Variants in UNK observed in about 807,000 individuals in gnomAD.
The protein encoded by UNK is RING finger protein unkempt homolog.
In UNK, 32 loss-of-function variants were observed where a neutral mutation model predicts 97.6. The ratio of observed to expected loss-of-function variants is 0.33; its 90% CI spans 0.25 to 0.44. The LOEUF is 0.44. Ranked by LOEUF, UNK falls within the 20% of genes least tolerant of loss-of-function variation. The probability of loss-of-function intolerance (pLI) is 1.00; values close to 1 mark genes in which losing one functional copy is unlikely to be tolerated. For synonymous variants in UNK, 441 were observed against 461.2 expected (o/e 0.96, Z 0.56); for missense variants, 771 against 1,098.4 (o/e 0.70, Z 4.21).
intron 14 of UNK, among the ~76,000 whole-genome samples, chr17:75,822,884 G>A (rs920038685): frequency 2.0e-5 from 3 of 152,230 alleles, no homozygotes; most frequent in African/African-American, 2.4e-5. Context: ...TGAGCTGCTT[G>A]TAGTCTGTCC....
chr17:75,822,716 C>G, intron 14 of UNK, 58 bp downstream of exon 14: 1 of 1,491,286 alleles, frequency 6.7e-7, no homozygotes. Flanking sequence ...CAGCCCAAGA[C>G]CTTCCTTCAC....
At chr17:75,790,385 C>T (rs1404849949) in intron 1 of UNK, among the ~76,000 whole-genome samples, 3 of 152,086 alleles carry the variant, frequency 2.0e-5, no homozygotes, top group South Asian at 2.1e-4. Flanking sequence ...AGTCCCAACT[C>T]GTTGGGAAGC....
At chr17:75,785,133 C>T (rs2061696097) in intron 1 of UNK, 149 bp downstream of exon 1, 1 of 558,472 alleles carries the variant, frequency 1.8e-6, no homozygotes, top group Non-Finnish European at 3.1e-6. Context: ...CCTGCTGGGG[C>T]CGGTCCCAAC....
rs748175730 is a variant in UNK, at chr17:75,822,461, C to T, written c.1838-16C>T. The T allele has an allele frequency of 1.2e-5, 19 of 1,597,852 alleles. No homozygotes were observed. The highest frequency in any genetic ancestry group is 1.4e-5 in the Non-Finnish European group (16 of 1,170,952). ...AAAGCCCTCCGGAGCTGATGTTCTT[C>T]CCCTCCTTGGGGCAGGTCTGAACGG... On this transcript the variant is annotated splice_polypyrimidine_tract_variant and intron_variant, in intron 13 of 15. Coordinates refer to ENST00000589666, the MANE Select transcript of UNK (RefSeq NM_001080419.3).
chr17:75,800,247 T>C (rs1473666822), intron 1 of UNK, among the ~76,000 whole-genome samples: 1 of 152,066 alleles, frequency 6.6e-6, no homozygotes, highest in Middle Eastern at 3.2e-3. Flanking sequence ...TCTTGTATTT[T>C]TTTGGTAGAG....
chr17:75,788,399 C>G (rs570532233), intron 1 of UNK, among the ~76,000 whole-genome samples: 1 of 152,136 alleles, frequency 6.6e-6, no homozygotes, highest in Non-Finnish European at 1.5e-5. Context: ...AGGCTGATCT[C>G]GAACTCCTAA....
At chr17:75,797,461 C>G (rs928899743) in intron 1 of UNK, among the ~76,000 whole-genome samples, 1 of 152,272 alleles carries the variant, frequency 6.6e-6, no homozygotes, top group Non-Finnish European at 1.5e-5. Context: ...TCTCGAACTC[C>G]TGACCTCAGG....
intron 1 of UNK, among the ~76,000 whole-genome samples, chr17:75,793,180 A>G (rs1015692626): frequency 1.3e-5 from 2 of 152,224 alleles, no homozygotes; most frequent in Non-Finnish European, 1.5e-5. Flanking sequence ...CAATGCCTTC[A>G]TAAGATGAAT....
Position 75,812,282 on chromosome 17 carries a change from A to G in UNK, c.485A>G (p.Asp162Gly). ...CATGACCTCCGCTCCCCTGTCTACG[A>G]CATCAGGTGGGCTGGGTGCTGGGCT... Reference protein sequence around the residue: ...GPHDLRSPVYDIRELQAMEAL... With the variant: ...GPHDLRSPVYGIRELQAMEAL... The change falls in exon 3 of 16, where the codon GAC becomes GGC. Residue 162 changes from aspartate to glycine, a missense_variant. Physicochemically the swap from Asp to Gly is moderately conservative, Grantham distance 94. Coordinates refer to ENST00000589666, the MANE Select transcript of UNK (RefSeq NM_001080419.3). The G allele has an allele frequency of 6.2e-7, 1 of 1,610,964 alleles. No individual in the cohort carries two copies. The highest frequency in any genetic ancestry group is 8.5e-7 in the Non-Finnish European group (1 of 1,177,902).
At chr17:75,793,544 T>A in intron 1 of UNK, 1 of 985,352 alleles carries the variant, frequency 1.0e-6, no homozygotes, top group Non-Finnish European at 1.2e-6. Flanking sequence ...GAGGTGACCT[T>A]TTTTCCTGTT....
At position 75,819,565 on chromosome 17, in the gene UNK, C is replaced by A; in HGVS notation, c.1547-119C>A. 3.3e-6 allele frequency: 3 copies of A among 905,090 alleles called. No individual in the cohort carries two copies. Among genetic ancestry groups the A allele is most frequent in the Non-Finnish European group, 5.3e-6 (3 of 569,998 alleles). 56.1% of individuals were successfully genotyped at this position (905,090 alleles called of 1,614,324 possible). ...AGCAGCTGAAGGAAGGGCACAGGGG[C>A]TTGGGAGAATACGGACCCAGCGTAG... On this transcript the variant is annotated intron_variant, in intron 11 of 15. Coordinates refer to ENST00000589666, the MANE Select transcript of UNK (RefSeq NM_001080419.3). This position sits in a 1 kb window ranked among gnomAD's most constrained non-coding sequence, Gnocchi z 5.4.
rs1290717780 is a variant in UNK at position 75,819,680 on chromosome 17, C to G, written c.1547-4C>G. On this transcript the variant is annotated splice_polypyrimidine_tract_variant and splice_region_variant and intron_variant, in intron 11 of 15. Coordinates refer to ENST00000589666, the MANE Select transcript of UNK (RefSeq NM_001080419.3). The surrounding 1 kb of genome is among the most constrained non-coding windows in gnomAD (Gnocchi z 5.4). ...GGTCACATCCCACTCTTCTCTGTCCCTAGAGTCTGCTTTGGATGACCTGGA... is the reference window on the plus strand; with the variant it reads ...GGTCACATCCCACTCTTCTCTGTCCGTAGAGTCTGCTTTGGATGACCTGGA... 2 of 1,613,838 alleles carry G rather than the reference C, an allele frequency of 1.2e-6. No homozygotes were observed. The highest frequency in any genetic ancestry group is 1.7e-5 in the Admixed American group (1 of 60,034).
Position 75,815,039 on chromosome 17 carries a change from G to A in UNK, c.877-130G>A, listed in dbSNP as rs923065164. 7.0e-6 allele frequency: 5 copies of A among 713,032 alleles called. No homozygotes were observed. The African/African-American group carries it at 8.8e-5, about 13-fold the overall frequency. 44.2% of individuals were successfully genotyped at this position (713,032 alleles called of 1,614,324 possible). On this transcript the variant is annotated intron_variant, in intron 6 of 15. Coordinates refer to ENST00000589666, the MANE Select transcript of UNK (RefSeq NM_001080419.3). ...GAAGCTGGTAGGGAGAGACATAGTGGAGGGGAGGGGAGGGGCCGGGAACAC... is the reference window on the plus strand; with the variant it reads ...GAAGCTGGTAGGGAGAGACATAGTGAAGGGGAGGGGAGGGGCCGGGAACAC...
rs917685088 is a variant in UNK at position 75,818,578 on chromosome 17, C to T, written c.1372-64C>T. On this transcript the variant is annotated intron_variant, in intron 10 of 15. Coordinates refer to ENST00000589666, the MANE Select transcript of UNK (RefSeq NM_001080419.3). This position sits in a 1 kb window ranked among gnomAD's most constrained non-coding sequence, Gnocchi z 5.1. ...TCCCTTGCCCCCAGCCCCTCTCCAGCCTCTCGTCCTGGCCTCCGTATGCAG... is the reference window on the plus strand; with the variant it reads ...TCCCTTGCCCCCAGCCCCTCTCCAGTCTCTCGTCCTGGCCTCCGTATGCAG... 3.3e-6 allele frequency: 5 copies of T among 1,511,404 alleles called. No homozygotes were observed. The African/African-American group carries it at 5.6e-5, about 17-fold the overall frequency. 93.6% of individuals were successfully genotyped at this position (1,511,404 alleles called of 1,614,324 possible). A position where few individuals can be genotyped will look rare whatever the true frequency, so the allele number is the denominator to read the frequency against.
In UNK at chr17:75,824,356, G is replaced by T; in HGVS notation, c.2372G>T (p.Cys791Phe). The change falls in exon 16 of 16, where the codon TGC becomes TTC. Residue 791 changes from cysteine to phenylalanine, a missense_variant. Cys to Phe is a radical substitution (Grantham distance 205, BLOSUM62 -2). This residue lies in a region of UNK where 208 missense variants were observed against 257.4 expected (regional missense o/e 0.81). Coordinates refer to ENST00000589666, the MANE Select transcript of UNK (RefSeq NM_001080419.3). This position sits in a 1 kb window ranked among gnomAD's most constrained non-coding sequence, Gnocchi z 4.9. Reference protein sequence around the residue: ...PCQHAALCELCAEGSECPICQ... With the variant: ...PCQHAALCELFAEGSECPICQ... ...CAACACGCTGCGCTGTGTGAGCTCT[G>T]CGCTGAGGGCAGCGAGTGCCCCATC... 6.3e-7 allele frequency: 1 copy of T among 1,590,940 alleles called. No individual in the cohort carries two copies.
Position 75,810,009 on chromosome 17 carries a change from C to T in UNK, c.314+40C>T, listed in dbSNP as rs906073848. 7 of 1,607,630 alleles carry T rather than the reference C, an allele frequency of 4.4e-6. No individual in the cohort carries two copies. The South Asian group carries it at 4.4e-5, about 10-fold the overall frequency. On this transcript the variant is annotated intron_variant, in intron 2 of 15. Coordinates refer to ENST00000589666, the MANE Select transcript of UNK (RefSeq NM_001080419.3). ...CTGTCCTCAGAGGAGCCCCGTGTCT[C>T]CTTCTGGGTCAGATGCCCTCAGGGT...
At chr17:75,814,542 G>T (rs908480493) in intron 6 of UNK, among the ~76,000 whole-genome samples, 5 of 145,880 alleles carry the variant, frequency 3.4e-5, no homozygotes, top group African/African-American at 1.3e-4. Context: ...CCTTCCTGTT[G>T]CCCTGTCTCC....
rs2062048815 is a variant in UNK, at chr17:75,819,712, T to A, written c.1575T>A (p.Asn525Lys). 3 of 1,613,784 alleles carry A rather than the reference T, an allele frequency of 1.9e-6. No individual in the cohort carries two copies. Among genetic ancestry groups the A allele is most frequent in the Non-Finnish European group, 2.5e-6 (3 of 1,179,814 alleles). Residue 525 changes from asparagine to lysine, a missense_variant, in exon 12 of 16, where the codon AAT (asparagine) becomes AAA (lysine). By Grantham distance (94) the Asn-to-Lys change is moderately conservative (BLOSUM62 0). This residue lies in a region of UNK where 91 missense variants were observed against 173.1 expected (regional missense o/e 0.53). Coordinates refer to ENST00000589666, the MANE Select transcript of UNK (RefSeq NM_001080419.3). This position sits in a 1 kb window ranked among gnomAD's most constrained non-coding sequence, Gnocchi z 5.4. The stretch of plus-strand genomic sequence containing the variant: ...CTGCTTTGGATGACCTGGACCTGAA[T>A]GAGTTTGGCGTGGCCGCCCTGGAGA... ...IESALDDLDLNEFGVAALEKT... is the reference protein window; with the variant it reads ...IESALDDLDLKEFGVAALEKT...
At position 75,818,285 on chromosome 17, in the gene UNK, A is replaced by C; in HGVS notation, c.1371+117A>C. The C allele has an allele frequency of 8.5e-7, 1 of 1,178,558 alleles. No individual in the cohort carries two copies. Among genetic ancestry groups the C allele is most frequent in the Non-Finnish European group, 1.2e-6 (1 of 826,658 alleles). 73.0% of individuals were successfully genotyped at this position (1,178,558 alleles called of 1,614,324 possible). On this transcript the variant is annotated intron_variant, in intron 10 of 15. Transcript: ENST00000589666. This position sits in a 1 kb window ranked among gnomAD's most constrained non-coding sequence, Gnocchi z 5.1. ...TTCCCAAAAGCTGAGGGCAGGACTA[A>C]AGTGGGGTCCCAGCCACAAATCCAG...
Sources: allele counts gnomAD v4.1 joint callset (sites outside exome capture counted in the v4.1 genomes callset), GRCh38; gene constraint gnomAD v4.1.1; regional missense constraint gnomAD v4.1.1; non-coding constraint Gnocchi (gnomAD v3.1); transcripts MANE v1.5; gene names NCBI Gene and HGNC (gene_info 2026-07-23, HGNC 2026-07-21).